The following MGAM variants were observed in gnomAD, a reference collection of about 807,000 sequenced individuals.
MGAM encodes the protein alpha-1,4-glucosidase.
MGAM carries 253 observed loss-of-function variants against 358.8 expected under a neutral mutation model. That is an observed-to-expected ratio of 0.71 (90% CI 0.64 to 0.78). The LOEUF is 0.78. Ranked by LOEUF, MGAM falls within the 30% of genes least tolerant of loss-of-function variation. The pLI, the probability that MGAM is intolerant of heterozygous loss-of-function variation, is 0.00. For synonymous variants in MGAM, 1,105 were observed against 1,227.1 expected, an observed-to-expected ratio of 0.90 and a Z score of 2.08; for missense variants, 3,080 against 3,432.6, an observed-to-expected ratio of 0.90 and a Z score of 2.57.
At chr7:142,025,212 C>G in intron 8 of MGAM, 63 bp downstream of exon 8, 1 of 1,264,066 alleles carries the variant, frequency 7.9e-7, no homozygotes. Flanking sequence ...TCTTACAGCA[C>G]TATGATAAAA....
intron 21 of MGAM, among the ~76,000 whole-genome samples, chr7:142,041,722 T>A (rs542208285): frequency 6.7e-6 from 1 of 150,078 alleles, no homozygotes; most frequent in South Asian, 2.1e-4. Context: ...ACATTTGGGC[T>A]TTTGCACTTA....
At position 142,095,614 on chromosome 7, in the gene MGAM, C is replaced by T; in HGVS notation, c.7508C>T (p.Thr2503Ile). 1 of 1,613,860 alleles carries T rather than the reference C, an allele frequency of 6.2e-7. No homozygotes were observed. The highest frequency in any genetic ancestry group is 8.5e-7 in the Non-Finnish European group (1 of 1,179,788). Residue 2503 changes from threonine (T) to isoleucine (I), a missense_variant, in exon 64 of 71, where the codon ACT becomes ATT. Coordinates refer to ENST00000475668, the MANE Select transcript of MGAM (RefSeq NM_001365693.1). ...GTTGCTTTTGTGAATATTTCCAGAA[C>T]TGTCCTGCAGACCAGATACACCCTG... The part of the protein sequence containing the change: ...WDVAFVNISR[T>I]VLQTRYTLLP...
chr7:142,095,584 G>A lies in MGAM; in HGVS notation c.7478G>A (p.Trp2493Ter). ...CTTTAGAGACAAGACCCTGTGTCCT[G>A]GGATGTTGCTTTTGTGAATATTTCC... ...IGTRRQDPVS[W>*]DVAFVNISRT... Residue 2493 changes from tryptophan (W) to a stop codon, truncating the protein, a stop_gained, in exon 64 of 71, where the codon TGG becomes TAG. Transcript: ENST00000475668. LOFTEE classifies it high-confidence loss of function. The A allele has an allele frequency of 6.2e-7, 1 of 1,613,662 alleles. No individual in the cohort carries two copies. The highest frequency in any genetic ancestry group is 1.1e-5 in the South Asian group (1 of 91,060).
chr7:142,032,054 T>TTTA (rs1361218711), intron 13 of MGAM, among the ~76,000 whole-genome samples: 1 of 146,282 alleles, frequency 6.8e-6, no homozygotes, highest in Non-Finnish European at 1.5e-5. Flanking sequence ...TTTTTTTTTT[T>TTTA]ACGAAGGAAT....
Position 142,056,902 on chromosome 7 carries a change from T to TG in MGAM, c.3657dup (p.Pro1220AlafsTer12), listed in dbSNP as rs1193571037. The TG allele has an allele frequency of 6.2e-7, 1 of 1,613,762 alleles. No homozygotes were observed. Among genetic ancestry groups the TG allele is most frequent in the East Asian group, 2.2e-5 (1 of 44,870 alleles). On this transcript the variant is annotated frameshift_variant, in exon 30 of 71. Coordinates refer to ENST00000475668, the MANE Select transcript of MGAM (RefSeq NM_001365693.1). LOFTEE classifies it high-confidence loss of function. ...GGAGTTCTGGACTTTTATGTGTTCT[T>TG]GGGGCCGACTCCAGAGCTTGTCACC... is the stretch of plus-strand genomic sequence containing the variant.
intron 25 of MGAM, 34 bp downstream of exon 25, chr7:142,052,480 A>T: frequency 6.2e-7 from 1 of 1,610,354 alleles, no homozygotes; most frequent in Non-Finnish European, 8.5e-7. Flanking sequence ...GTGCATGAGA[A>T]TCTCCACACC....
At chr7:142,095,767 A>C in intron 64 of MGAM, 54 bp downstream of exon 64, 1 of 1,598,786 alleles carries the variant, frequency 6.3e-7, no homozygotes. Context: ...TGCATTCTAT[A>C]TGGTGACAGT....
chr7:142,064,645 A>G, intron 37 of MGAM, 123 bp downstream of exon 37: 1 of 1,328,068 alleles, frequency 7.5e-7, no homozygotes, highest in Non-Finnish European at 1.0e-6. Context: ...ATAACTCTGT[A>G]ATGATTCTTA....
intron 21 of MGAM, among the ~76,000 whole-genome samples, chr7:142,044,140 T>G (rs1394059837): frequency 1.4e-5 from 2 of 144,086 alleles, no homozygotes; most frequent in Non-Finnish European, 3.0e-5. Flanking sequence ...AATATGTACA[T>G]TATATACACA....
rs772302589 is a variant in MGAM at position 142,078,493 on chromosome 7, TG to T, written c.5646+24del. 4.6e-6 allele frequency: 7 copies of T among 1,525,582 alleles called. 1 individual carries two copies. In the South Asian group the frequency reaches 8.2e-5, roughly 18 times the overall value. 94.5% of individuals were successfully genotyped at this position (1,525,582 alleles called of 1,614,324 possible). ...GAGGTAACCATGCTGATGGGGTTCA[TG>T]TGCATGAAAATCTCCACACCTAATC... is the stretch of plus-strand genomic sequence containing the variant. On this transcript the variant is annotated intron_variant, in intron 48 of 70. Transcript: ENST00000475668.
At chr7:142,069,872 A>G (rs1813189890) in intron 43 of MGAM, among the ~76,000 whole-genome samples, 1 of 145,524 alleles carries the variant, frequency 6.9e-6, no homozygotes, top group African/African-American at 2.4e-5. Flanking sequence ...GAAAGACAAA[A>G]GAAGTCATGG....
intron 2 of MGAM, among the ~76,000 whole-genome samples, chr7:141,988,563 C>G (rs532871931): frequency 6.6e-6 from 1 of 152,066 alleles, no homozygotes; most frequent in Non-Finnish European, 1.5e-5. Flanking sequence ...CGGGGTTTCA[C>G]CATGTTGACC....
At chr7:142,009,425 T>C (rs1307535291) in intron 3 of MGAM, among the ~76,000 whole-genome samples, 1 of 152,286 alleles carries the variant, frequency 6.6e-6, no homozygotes, top group East Asian at 1.9e-4. Flanking sequence ...ATAGCTCAAT[T>C]GAGCTGTACT....
intron 47 of MGAM, 43 bp downstream of exon 47, chr7:142,076,869 A>G (rs750836259): frequency 6.6e-7 from 1 of 1,523,742 alleles, no homozygotes; most frequent in Non-Finnish European, 9.0e-7. Flanking sequence ...AGAATTCTCC[A>G]TAGCACCATG....
At chr7:142,013,786 C>T (rs1182948606) in intron 3 of MGAM, among the ~76,000 whole-genome samples, 1 of 152,116 alleles carries the variant, frequency 6.6e-6, no homozygotes, top group Non-Finnish European at 1.5e-5. Context: ...TTCTCTCTAC[C>T]CATTACACTG....
intron 35 of MGAM, among the ~76,000 whole-genome samples, chr7:142,062,906 C>A (rs1276326566): frequency 6.6e-6 from 1 of 152,188 alleles, no homozygotes; most frequent in African/African-American, 2.4e-5. Flanking sequence ...ACTGTAAAAC[C>A]TGTGAGGCGG....
chr7:141,987,580 G>A (rs77969432), intron 2 of MGAM, among the ~76,000 whole-genome samples: 2,860 of 152,156 alleles, frequency 0.019, 46 homozygotes, highest in South Asian at 0.042. Flanking sequence ...CCATGCAGGT[G>A]TCAGCGAGGC....
At chr7:142,101,943 G>C (rs1300713635) in intron 68 of MGAM, among the ~76,000 whole-genome samples, 1 of 151,230 alleles carries the variant, frequency 6.6e-6, no homozygotes, top group Non-Finnish European at 1.5e-5. Context: ...GAAAAGAAAA[G>C]TGAAAGAAAA....
intron 33 of MGAM, 84 bp from the exon 34 acceptor site, chr7:142,060,227 A>T (rs1173780655): frequency 1.3e-6 from 2 of 1,552,138 alleles, no homozygotes; most frequent in Admixed American, 3.5e-5. Context: ...TCCTAGGAGC[A>T]CGGTTTGTAT....
Sources: allele counts gnomAD v4.1 joint callset (sites outside exome capture counted in the v4.1 genomes callset), GRCh38; gene constraint gnomAD v4.1.1; transcripts MANE v1.5; gene names NCBI Gene and HGNC (gene_info 2026-07-23, HGNC 2026-07-21).